Variants in PRKN observed in about 807,000 individuals in gnomAD.
PRKN encodes the protein parkin RBR E3 ubiquitin protein ligase, also known as E3 ubiquitin-protein ligase parkin.
In PRKN, 56 loss-of-function variants were observed where a neutral mutation model predicts 59.5. The ratio of observed to expected loss-of-function variants is 0.94; its 90% CI spans 0.76 to 1.18. The LOEUF is 1.18. PRKN is among the 50% of genes most tolerant of loss of function. The pLI, the probability that PRKN is intolerant of heterozygous loss-of-function variation, is 0.00. For synonymous variants in PRKN, 250 were observed against 222.1 expected (o/e 1.13, Z -1.12); for missense variants, 657 against 596.4 (o/e 1.10, Z -1.06).
intron 6 of PRKN, among the ~76,000 whole-genome samples, chr6:161,803,678 T>C (rs1791188431): frequency 6.6e-6 from 1 of 152,216 alleles, no homozygotes; most frequent in Admixed American, 6.5e-5. Context: ...TACTCAGCCA[T>C]AGCTGACCAG....
At chr6:162,273,282 C>T (rs745440921) in intron 2 of PRKN, among the ~76,000 whole-genome samples, 14 of 152,130 alleles carry the variant, frequency 9.2e-5, no homozygotes, top group East Asian at 1.9e-4. Flanking sequence ...GTTTCCCTAA[C>T]GTGACTATCT....
chr6:162,633,162 C>T (rs1583947594), intron 1 of PRKN, among the ~76,000 whole-genome samples: 1 of 151,368 alleles, frequency 6.6e-6, no homozygotes, highest in African/African-American at 2.4e-5. Context: ...AGGCCGGGTG[C>T]GGTGGCTCAT....
rs1778000510 is a variant in PRKN at position 161,502,530 on chromosome 6, T to A, written c.1083+46324A>T. Among the ~76,000 whole-genome samples the A allele has an allele frequency of 6.6e-6, 1 of 152,062 alleles. No homozygotes were observed. The highest frequency in any genetic ancestry group is 2.4e-5 in the African/African-American group (1 of 41,398). On this transcript the variant is annotated intron_variant, in intron 9 of 11. Coordinates refer to ENST00000366898, the MANE Select transcript of PRKN (RefSeq NM_004562.3). This position sits in a 1 kb window ranked among gnomAD's most constrained non-coding sequence, Gnocchi z 4.0. ...CGACTCTGGAATCCATTCCCACATT[T>A]AAAAAATGGGATAATGTGAGCTGTC... is the stretch of plus-strand genomic sequence containing the variant.
chr6:162,158,616 A>C (rs1018698652), intron 4 of PRKN, among the ~76,000 whole-genome samples: 5 of 151,898 alleles, frequency 3.3e-5, no homozygotes, highest in African/African-American at 1.2e-4. Context: ...TTTTTAGTAG[A>C]GACGGGGTTT....
rs1296111451 is a variant in PRKN, at chr6:161,581,816, C to G, written c.872-12400G>C. On this transcript the variant is annotated intron_variant, in intron 7 of 11. Transcript: ENST00000366898. This position sits in a 1 kb window ranked among gnomAD's most constrained non-coding sequence, Gnocchi z 4.5. The stretch of plus-strand genomic sequence containing the variant: ...CAGAGGGTGTGGAAGCCATGCTAAG[C>G]TAGTGAGTTCTGACAAGGGCTCCTT... Among the ~76,000 whole-genome samples, 1 of 152,186 alleles carries G rather than the reference C, an allele frequency of 6.6e-6. No homozygotes were observed. Among genetic ancestry groups the G allele is most frequent in the Non-Finnish European group, 1.5e-5 (1 of 68,038 alleles).
chr6:162,698,424 C>T (rs912372842), intron 1 of PRKN, among the ~76,000 whole-genome samples: 2 of 152,132 alleles, frequency 1.3e-5, no homozygotes, highest in African/African-American at 4.8e-5. Flanking sequence ...GCTACTTTTT[C>T]CTTTTACCCT....
At chr6:162,295,187 G>C (rs1178870789) in intron 2 of PRKN, among the ~76,000 whole-genome samples, 1 of 152,190 alleles carries the variant, frequency 6.6e-6, no homozygotes, top group African/African-American at 2.4e-5. Flanking sequence ...TCTTCCAAAT[G>C]CTGGTCGCTC....
At chr6:162,463,917 TGTTA>T (rs777843051) in intron 1 of PRKN, among the ~76,000 whole-genome samples, 1 of 152,250 alleles carries the variant, frequency 6.6e-6, no homozygotes, top group Non-Finnish European at 1.5e-5. Flanking sequence ...TCTCTGAAGC[TGTTA>T]TTTTGTTGTT....
intron 4 of PRKN, among the ~76,000 whole-genome samples, chr6:162,197,146 A>G (rs1459948449): frequency 6.6e-6 from 1 of 152,162 alleles, no homozygotes; most frequent in Non-Finnish European, 1.5e-5. Flanking sequence ...TAAGTTATCG[A>G]TCCTTATAAA....
At chr6:161,895,534 T>C (rs1346094835) in intron 6 of PRKN, among the ~76,000 whole-genome samples, 1 of 115,760 alleles carries the variant, frequency 8.6e-6, no homozygotes, top group Non-Finnish European at 1.8e-5. Flanking sequence ...CCAGTGAGGC[T>C]TCTGAGATTC....
At chr6:161,607,543 G>A (rs886384797) in intron 7 of PRKN, among the ~76,000 whole-genome samples, 7 of 151,960 alleles carry the variant, frequency 4.6e-5, no homozygotes, top group East Asian at 3.9e-4. Context: ...AAATGATGAC[G>A]GCAGAAAATT....
At chr6:162,699,474 T>C (rs1458845635) in intron 1 of PRKN, among the ~76,000 whole-genome samples, 5 of 152,128 alleles carry the variant, frequency 3.3e-5, no homozygotes, top group African/African-American at 9.7e-5. Flanking sequence ...GAAAAGCATA[T>C]ACAGTTCACT....
Position 161,562,672 on chromosome 6 carries a change from C to T in PRKN, c.933+6683G>A, listed in dbSNP as rs1780500529. 6.6e-6 allele frequency among the ~76,000 whole-genome samples: 1 copy of T among 152,202 alleles called. No individual in the cohort carries two copies. Among genetic ancestry groups the T allele is most frequent in the Non-Finnish European group, 1.5e-5 (1 of 68,042 alleles). ...AGCTCAGATCCCATGCCTCTGATCT[C>T]ACCTGCCCCATTTTGCTCATCTCAG... On this transcript the variant is annotated intron_variant, in intron 8 of 11. Transcript: ENST00000366898. This position sits in a 1 kb window ranked among gnomAD's most constrained non-coding sequence, Gnocchi z 4.3.
At chr6:162,518,587 G>A (rs1268459344) in intron 1 of PRKN, among the ~76,000 whole-genome samples, 2 of 152,058 alleles carry the variant, frequency 1.3e-5, no homozygotes, top group African/African-American at 4.8e-5. Context: ...GGCTGGTCTC[G>A]AACTCCTGAC....
chr6:162,011,349 A>ATATATATTTATAATATATATAATATAT (rs1782675469), intron 5 of PRKN, among the ~76,000 whole-genome samples: 2 of 35,408 alleles, frequency 5.6e-5, no homozygotes, highest in Admixed American at 6.8e-4. Context: ...ATATATTATA[A>ATATATATTTATAATATATATAATATAT]TATATATTTA....
Position 161,360,625 on chromosome 6 carries a change from G to A in PRKN, c.1168-420C>T, listed in dbSNP as rs1477000629. On this transcript the variant is annotated intron_variant, in intron 10 of 11. Coordinates refer to ENST00000366898, the MANE Select transcript of PRKN (RefSeq NM_004562.3). The surrounding 1 kb of genome is among the most constrained non-coding windows in gnomAD (Gnocchi z 5.1). Reference sequence around the variant, plus strand: ...ATGGGTGAAAACATGGCCCAAAGCTGGTAAGTGGGAGTATCAGTGTGACTC... The same window carrying A: ...ATGGGTGAAAACATGGCCCAAAGCTAGTAAGTGGGAGTATCAGTGTGACTC... Among the ~76,000 whole-genome samples the A allele has an allele frequency of 6.6e-6, 1 of 152,158 alleles. No homozygotes were observed. Among genetic ancestry groups the A allele is most frequent in the Non-Finnish European group, 1.5e-5 (1 of 68,030 alleles).
At chr6:162,113,123 A>G (rs1480457527) in intron 4 of PRKN, among the ~76,000 whole-genome samples, 2 of 152,214 alleles carry the variant, frequency 1.3e-5, no homozygotes, top group African/African-American at 4.8e-5. Flanking sequence ...CTCCTATAAA[A>G]GGATGAGAAG....
chr6:161,758,671 A>G (rs1456590179), intron 7 of PRKN, among the ~76,000 whole-genome samples: 1 of 152,190 alleles, frequency 6.6e-6, no homozygotes, highest in African/African-American at 2.4e-5. Context: ...TAAAGCTGTT[A>G]AAAACAATAT....
chr6:161,690,283 C>CAACAA (rs1204941136), intron 7 of PRKN, among the ~76,000 whole-genome samples: 1 of 152,208 alleles, frequency 6.6e-6, no homozygotes, highest in East Asian at 1.9e-4. Flanking sequence ...ACCCTCCTTA[C>CAACAA]ACTCTGGCCA....
Sources: allele counts gnomAD v4.1 joint callset (sites outside exome capture counted in the v4.1 genomes callset), GRCh38; gene constraint gnomAD v4.1.1; non-coding constraint Gnocchi (gnomAD v3.1); transcripts MANE v1.5; gene names NCBI Gene and HGNC (gene_info 2026-07-23, HGNC 2026-07-21).